The following ALG13 variants were observed in gnomAD, a reference collection of about 807,000 sequenced individuals.
ALG13 encodes ALG13 UDP-N-acetylglucosaminyltransferase subunit.
In ALG13, 11 loss-of-function variants were observed where a neutral mutation model predicts 87.8. That is an observed-to-expected ratio of 0.13 (90% confidence interval 0.08 to 0.21). The LOEUF (loss-of-function observed/expected upper bound fraction) is 0.21. Among genes scored for constraint, ALG13 ranks in the 10% least tolerant of loss-of-function variants. ALG13 has a pLI of 1.00. For synonymous variants in ALG13, 320 were observed against 306.3 expected (o/e 1.04, Z -0.47); for missense variants, 756 against 866.1 (o/e 0.87, Z 1.60).
intron 21 of ALG13, among the ~76,000 whole-genome samples, chrX:111,734,138 T>G (rs1054093439): frequency 8.9e-6 from 1 of 112,670 alleles, no homozygotes; most frequent in Non-Finnish European, 1.9e-5. Context: ...TTTTTTCTTT[T>G]TGCTGTGCAG....
rs185452223 is a variant in ALG13, at chrX:111,705,234, A to G, written c.384-2793A>G. On this transcript the variant is annotated intron_variant, in intron 3 of 26. Transcript: ENST00000394780. The stretch of plus-strand genomic sequence containing the variant: ...CTAATTTTCATTTTCCTAAAGATCA[A>G]TGATTTTGAATATCTTTTTATGTGC... 9.8e-5 allele frequency among the ~76,000 whole-genome samples: 11 copies of G among 112,166 alleles called. No individual in the cohort carries two copies. In the East Asian group the frequency reaches 2.8e-3, roughly 28 times the overall value.
At chrX:111,704,207 A>G (rs1435692386) in intron 3 of ALG13, among the ~76,000 whole-genome samples, 1 of 111,671 alleles carries the variant, frequency 9.0e-6, no homozygotes, top group African/African-American at 3.3e-5. Context: ...ATGGAAAATA[A>G]CAAGTGTTGA....
At chrX:111,681,463 C>G in intron 1 of ALG13, 164 bp downstream of exon 1, 1 of 1,078,578 alleles carries the variant, frequency 9.3e-7, no homozygotes, top group Non-Finnish European at 1.2e-6. Flanking sequence ...CCACGCCCGG[C>G]GGGGCCCTTC....
chrX:111,724,681 G>A (rs892420441), intron 14 of ALG13, among the ~76,000 whole-genome samples: 1 of 112,063 alleles, frequency 8.9e-6, no homozygotes, highest in Non-Finnish European at 1.9e-5. Context: ...CTCCAAGGAG[G>A]CACAGCAAAT....
intron 24 of ALG13, among the ~76,000 whole-genome samples, chrX:111,749,760 A>G: frequency 9.1e-6 from 1 of 110,206 alleles, no homozygotes; most frequent in Non-Finnish European, 1.9e-5. Flanking sequence ...TAAAACTTTT[A>G]TTTTCCAATT....
At chrX:111,713,119 A>G in intron 7 of ALG13, 106 bp from the exon 8 acceptor site, 2 of 492,104 alleles carry the variant, frequency 4.1e-6, no homozygotes, top group East Asian at 7.5e-5. Flanking sequence ...ATATTACTTT[A>G]TATGAATAAG....
At chrX:111,756,577 A>G (rs1162685444) in intron 25 of ALG13, among the ~76,000 whole-genome samples, 1 of 111,401 alleles carries the variant, frequency 9.0e-6, no homozygotes, top group Admixed American at 9.6e-5. Flanking sequence ...CTTTTATTTT[A>G]GTCTTTCAGG....
At chrX:111,711,933 A>G (rs1939843783) in intron 6 of ALG13, among the ~76,000 whole-genome samples, 1 of 112,005 alleles carries the variant, frequency 8.9e-6, no homozygotes, top group South Asian at 3.7e-4. Context: ...TGTTAATCCC[A>G]TCAACCATAG....
rs952034294 is a variant in ALG13, at chrX:111,708,645, G to C, written c.750+252G>C. Among the ~76,000 whole-genome samples, 3 of 111,169 alleles carry C rather than the reference G, an allele frequency of 2.7e-5. No homozygotes were observed. The Admixed American group carries it at 2.9e-4, about 11-fold the overall frequency. Reference sequence around the variant, plus strand: ...CCAGTTTGTAATGTAGGAGGGGTAAGATAAGGAGGCTAAAGACAACTTTGA... The same window carrying C: ...CCAGTTTGTAATGTAGGAGGGGTAACATAAGGAGGCTAAAGACAACTTTGA... On this transcript the variant is annotated intron_variant, in intron 4 of 26. Coordinates refer to ENST00000394780, the MANE Select transcript of ALG13 (RefSeq NM_001099922.3).
At chrX:111,750,403 C>A (rs970572368) in intron 24 of ALG13, among the ~76,000 whole-genome samples, 2 of 111,353 alleles carry the variant, frequency 1.8e-5, no homozygotes, top group African/African-American at 6.5e-5. Flanking sequence ...GTACTTTATT[C>A]TTTTTTATGG....
intron 5 of ALG13, among the ~76,000 whole-genome samples, chrX:111,711,346 A>G (rs1939741490): frequency 8.9e-6 from 1 of 112,356 alleles, no homozygotes; most frequent in Admixed American, 9.5e-5. Context: ...CAAATTTGAA[A>G]TCCTTAGAAA....
rs776080960 is a variant in ALG13 at position 111,681,208 on chromosome X, G to C, written c.-11G>C. ...CCGGCCCTTGCGATCAGGGCTTGAGGAACCCGCGCCATGAAGTGCGTGTTT... is the reference window on the plus strand; with the variant it reads ...CCGGCCCTTGCGATCAGGGCTTGAGCAACCCGCGCCATGAAGTGCGTGTTT... On this transcript the variant is annotated 5_prime_UTR_variant, in exon 1 of 27. Coordinates refer to ENST00000394780, the MANE Select transcript of ALG13 (RefSeq NM_001099922.3). 5.0e-6 allele frequency: 6 copies of C among 1,210,661 alleles called. No homozygotes were observed. Among genetic ancestry groups the C allele is most frequent in the Admixed American group, 4.3e-5 (2 of 46,137 alleles).
At chrX:111,715,560 A>G (rs1385623684) in intron 8 of ALG13, among the ~76,000 whole-genome samples, 3 of 111,225 alleles carry the variant, frequency 2.7e-5, no homozygotes, top group Non-Finnish European at 5.7e-5. Context: ...TCTATTAAAA[A>G]TACCCAAATT....
At chrX:111,694,291 C>T (rs1019908766) in intron 3 of ALG13, among the ~76,000 whole-genome samples, 2 of 111,108 alleles carry the variant, frequency 1.8e-5, no homozygotes, top group African/African-American at 3.3e-5. Flanking sequence ...GTGATCCACC[C>T]GCCTCAGCCT....
At chrX:111,725,176 C>A in intron 15 of ALG13, 115 bp downstream of exon 15, 1 of 909,892 alleles carries the variant, frequency 1.1e-6, no homozygotes, top group South Asian at 2.6e-5. Flanking sequence ...GGTAGGGTTT[C>A]TCAACTTTAG....
chrX:111,745,124 C>CTGTTT (rs756641137), intron 24 of ALG13, among the ~76,000 whole-genome samples: 21 of 111,100 alleles, frequency 1.9e-4, no homozygotes, highest in South Asian at 7.5e-4. Flanking sequence ...ACGTGTGCTG[C>CTGTTT]TGTTTTGTTT....
Position 111,736,746 on chromosome X carries a change from C to T in ALG13, c.2562C>T (p.Ser854=). Residue 854 remains serine (S), a synonymous_variant, in exon 23 of 27, where the codon TCC becomes TCT. Transcript: ENST00000394780. ...GAAATATTGCAGCAGTTGCAGCTTC[C>T]TGTGCCAATAATGTTCCAGCTCCAG... ...MMGNIAAVAA[S]CANNVPAPVL... The T allele has an allele frequency of 8.3e-7, 1 of 1,210,590 alleles. No individual in the cohort carries two copies. The highest frequency in any genetic ancestry group is 1.1e-6 in the Non-Finnish European group (1 of 894,891).
chrX:111,749,601 A>G (rs1944536219), intron 24 of ALG13, among the ~76,000 whole-genome samples: 1 of 109,641 alleles, frequency 9.1e-6, no homozygotes, highest in Non-Finnish European at 1.9e-5. Context: ...CTTTGAATTC[A>G]TGAACATAGT....
chrX:111,718,422 GA>G lies in ALG13; in HGVS notation c.1250+149del, dbSNP rs1259333845. 4 of 504,953 alleles carry G rather than the reference GA, an allele frequency of 7.9e-6. No individual in the cohort carries two copies. In the Admixed American group the frequency reaches 1.8e-4, roughly 23 times the overall value. The allele number at this position is 504,953 out of a possible 1,213,427, so 41.6% of individuals were successfully genotyped here. On this transcript the variant is annotated intron_variant, in intron 10 of 26. Coordinates refer to ENST00000394780, the MANE Select transcript of ALG13 (RefSeq NM_001099922.3). ...TTAGGATATATATTTTTAATGGGGG[GA>G]GAGTTTTACCAAAGAGATGTGTCGT...
Sources: allele counts gnomAD v4.1 joint callset (sites outside exome capture counted in the v4.1 genomes callset), GRCh38; gene constraint gnomAD v4.1.1; transcripts MANE v1.5; gene names NCBI Gene and HGNC (gene_info 2026-07-23, HGNC 2026-07-21).